The following MGAT4C variants were observed in gnomAD, a reference collection of about 807,000 sequenced individuals.
MGAT4C encodes alpha-1,3-mannosyl-glycoprotein 4-beta-N-acetylglucosaminyltransferase C.
Under a neutral mutation model 40.1 loss-of-function variants are expected in MGAT4C, and 19 were observed. The ratio of observed to expected loss-of-function variants is 0.47; its 90% CI spans 0.33 to 0.70. MGAT4C has a LOEUF of 0.70. MGAT4C is among the 30% of genes least tolerant of loss of function. The pLI is 0.02. For missense variants in MGAT4C, 491 were observed against 563.2 expected, an observed-to-expected ratio of 0.87 and a Z score of 1.30; for synonymous variants, 181 against 187.1, an observed-to-expected ratio of 0.97 and a Z score of 0.27.
intron 1 of MGAT4C, among the ~76,000 whole-genome samples, chr12:86,196,689 C>T (rs1949821584): frequency 6.6e-6 from 1 of 152,216 alleles, no homozygotes; most frequent in Non-Finnish European, 1.5e-5. Context: ...TTTATTCCAG[C>T]TGTCAGTGCT....
chr12:86,631,840 C>T (rs1434682223), intron 2 of MGAT4C, among the ~76,000 whole-genome samples: 4 of 152,170 alleles, frequency 2.6e-5, no homozygotes, highest in East Asian at 1.9e-4. Flanking sequence ...AGGACATAGG[C>T]ATGGGCAAGG....
chr12:86,074,231 A>C (rs1021572761), intron 1 of MGAT4C, among the ~76,000 whole-genome samples: 4 of 152,052 alleles, frequency 2.6e-5, no homozygotes, highest in Admixed American at 2.6e-4. Flanking sequence ...TGTAAGTCCA[A>C]TTAAATCTCT....
At chr12:86,038,791 T>C (rs2136929664) in intron 2 of MGAT4C, among the ~76,000 whole-genome samples, 1 of 150,026 alleles carries the variant, frequency 6.7e-6, no homozygotes, top group South Asian at 2.1e-4. Context: ...TAGCTGGGTA[T>C]TTTGCCCGTT....
intron 4 of MGAT4C, among the ~76,000 whole-genome samples, chr12:86,314,183 G>C (rs981181089): frequency 3.9e-5 from 6 of 152,144 alleles, no homozygotes; most frequent in Admixed American, 6.6e-5. Flanking sequence ...TAAAAGCTTA[G>C]CACAATGTAA....
chr12:86,603,015 A>G (rs992827725), intron 2 of MGAT4C, among the ~76,000 whole-genome samples: 3 of 151,738 alleles, frequency 2.0e-5, no homozygotes, highest in African/African-American at 7.3e-5. Flanking sequence ...CCAGGCACGA[A>G]AAACAAAATA....
At chr12:86,542,610 C>T (rs1483612927) in intron 2 of MGAT4C, among the ~76,000 whole-genome samples, 2 of 152,062 alleles carry the variant, frequency 1.3e-5, no homozygotes, top group Non-Finnish European at 2.9e-5. Context: ...AGTGGCCATG[C>T]CTTTTCTTTT....
chr12:86,515,452 A>T (rs914420604), intron 2 of MGAT4C, among the ~76,000 whole-genome samples: 3 of 152,186 alleles, frequency 2.0e-5, no homozygotes, highest in Non-Finnish European at 4.4e-5. Flanking sequence ...TACAAAATCA[A>T]CTTACAGAAA....
At chr12:86,378,853 A>C (rs1955878515) in intron 3 of MGAT4C, among the ~76,000 whole-genome samples, 1 of 152,138 alleles carries the variant, frequency 6.6e-6, no homozygotes, top group Admixed American at 6.6e-5. Flanking sequence ...GGAAGTATCT[A>C]AGGATCCAGA....
chr12:86,503,044 A>T (rs1258163427), intron 2 of MGAT4C, among the ~76,000 whole-genome samples: 1 of 7,618 alleles, frequency 1.3e-4, no homozygotes, highest in Non-Finnish European at 2.0e-4. Context: ...TTCTGCTCAT[A>T]TATATATATA....
intron 1 of MGAT4C, among the ~76,000 whole-genome samples, chr12:86,097,062 C>G (rs1191456098): frequency 2.0e-5 from 3 of 151,476 alleles, no homozygotes; most frequent in African/African-American, 4.8e-5. Flanking sequence ...CTTATAAAAC[C>G]AAACTGTGAG....
chr12:86,082,408 T>C (rs922320378), intron 1 of MGAT4C, among the ~76,000 whole-genome samples: 1 of 152,198 alleles, frequency 6.6e-6, no homozygotes, highest in Admixed American at 6.6e-5. Context: ...GGTAAAGGTT[T>C]ATACTGAAAA....
rs1447018713 is a variant in MGAT4C, at chr12:86,349,942, A to G, written c.-119-15815T>C. 2.0e-5 allele frequency among the ~76,000 whole-genome samples: 3 copies of G among 152,044 alleles called. No homozygotes were observed. In the East Asian group the frequency reaches 5.8e-4, roughly 29 times the overall value. The stretch of plus-strand genomic sequence containing the variant: ...TTATTCCATAAATTCTTTCTAAACT[A>G]AAATGTAAATATAATTTATTCCAAT... On this transcript the variant is annotated intron_variant, in intron 3 of 7. Coordinates refer to the MGAT4C transcript ENST00000548651.
intron 1 of MGAT4C, among the ~76,000 whole-genome samples, chr12:86,099,948 A>G (rs1011275820): frequency 4.6e-5 from 7 of 151,432 alleles, no homozygotes; most frequent in African/African-American, 1.7e-4. Flanking sequence ...ATCATTTACC[A>G]TTTTCTCATT....
chr12:86,767,818 C>G (rs538146363), intron 1 of MGAT4C, among the ~76,000 whole-genome samples: 61 of 150,146 alleles, frequency 4.1e-4, no homozygotes, highest in Non-Finnish European at 7.1e-4. Context: ...ATTCAACAAC[C>G]CTTCATGCTA....
At chr12:86,591,290 T>A (rs1029419411) in intron 2 of MGAT4C, among the ~76,000 whole-genome samples, 1 of 151,960 alleles carries the variant, frequency 6.6e-6, no homozygotes, top group African/African-American at 2.4e-5. Context: ...GGAAATTAAG[T>A]AGGGCATCAG....
intron 3 of MGAT4C, among the ~76,000 whole-genome samples, chr12:86,364,158 C>G (rs530974554): frequency 6.6e-6 from 1 of 152,064 alleles, no homozygotes; most frequent in Admixed American, 6.6e-5. Flanking sequence ...AGTAATCCTA[C>G]AGAACCTCTT....
At chr12:86,662,262 A>G (rs776385861) in intron 2 of MGAT4C, among the ~76,000 whole-genome samples, 60 of 152,340 alleles carry the variant, frequency 3.9e-4, no homozygotes, top group Admixed American at 9.2e-4. Flanking sequence ...TACAATCACA[A>G]AATTATATTT....
At chr12:86,166,901 C>T (rs1886253549) in intron 1 of MGAT4C, among the ~76,000 whole-genome samples, 1 of 151,958 alleles carries the variant, frequency 6.6e-6, no homozygotes, top group African/African-American at 2.4e-5. Context: ...TAAAAGACAG[C>T]CAACTTGAAA....
intron 4 of MGAT4C, among the ~76,000 whole-genome samples, chr12:86,318,750 C>T (rs1954304955): frequency 6.6e-6 from 1 of 152,084 alleles, no homozygotes; most frequent in South Asian, 2.1e-4. Context: ...TCAGTATTCA[C>T]CCAACCATCC....
Sources: allele counts gnomAD v4.1 joint callset (sites outside exome capture counted in the v4.1 genomes callset), GRCh38; gene constraint gnomAD v4.1.1; transcripts MANE v1.5; gene names NCBI Gene and HGNC (gene_info 2026-07-23, HGNC 2026-07-21).